The following LIMD1 variants were observed in gnomAD, a reference collection of about 807,000 sequenced individuals.
LIMD1 encodes LIM domain-containing protein 1.
In LIMD1, 23 loss-of-function variants were observed where a neutral mutation model predicts 58.4. The ratio of observed to expected loss-of-function variants is 0.39; its 90% CI spans 0.28 to 0.56. The LOEUF is 0.56. Ranked by LOEUF, LIMD1 falls within the 20% of genes least tolerant of loss-of-function variation. The pLI is 0.57. For synonymous variants in LIMD1, 334 were observed against 345.5 expected (o/e 0.97, Z 0.37); for missense variants, 838 against 855.5 (o/e 0.98, Z 0.25).
chr3:45,605,931 C>G (rs1392229292), intron 1 of LIMD1, among the ~76,000 whole-genome samples: 1 of 152,186 alleles, frequency 6.6e-6, no homozygotes, highest in Non-Finnish European at 1.5e-5. Flanking sequence ...CTGGGCCAGT[C>G]TCCCTTCTTT....
chr3:45,606,495 G>A (rs1171052115), intron 1 of LIMD1, among the ~76,000 whole-genome samples: 2 of 152,228 alleles, frequency 1.3e-5, no homozygotes, highest in African/African-American at 4.8e-5. Context: ...ACGAGAGGCT[G>A]TCTCCAGCTT....
Position 45,595,174 on chromosome 3 carries a change from G to C in LIMD1, c.295G>C (p.Val99Leu). 1 of 1,604,682 alleles carries C rather than the reference G, an allele frequency of 6.2e-7. No homozygotes were observed. The highest frequency in any genetic ancestry group is 8.5e-7 in the Non-Finnish European group (1 of 1,175,640). ...RWEVVGSKLTVDGAAKPPLAA... is the reference protein window; with the variant it reads ...RWEVVGSKLTLDGAAKPPLAA... Reference sequence around the variant, plus strand: ...GGAAGTTGTGGGCAGCAAGCTGACTGTGGATGGTGCTGCCAAGCCTCCTCT... The same window carrying C: ...GGAAGTTGTGGGCAGCAAGCTGACTCTGGATGGTGCTGCCAAGCCTCCTCT... Residue 99 changes from valine (V) to leucine (L), a missense_variant, in exon 1 of 8, where the codon GTG becomes CTG. Transcript: ENST00000273317.
At chr3:45,636,097 T>C in intron 1 of LIMD1, 53 bp from the exon 2 acceptor site, 2 of 1,606,296 alleles carry the variant, frequency 1.2e-6, no homozygotes, top group Non-Finnish European at 1.7e-6. Context: ...TTTTTATGAC[T>C]CAGTTTACAC....
At chr3:45,621,271 C>A (rs903028488) in intron 1 of LIMD1, among the ~76,000 whole-genome samples, 2 of 152,018 alleles carry the variant, frequency 1.3e-5, no homozygotes, top group African/African-American at 4.8e-5. Flanking sequence ...TGCTCTGTTG[C>A]CAGACTGGAC....
chr3:45,634,316 TG>T (rs34530351), intron 1 of LIMD1, among the ~76,000 whole-genome samples: 1 of 152,130 alleles, frequency 6.6e-6, no homozygotes, highest in Non-Finnish European at 1.5e-5. Flanking sequence ...TTGACTGTAA[TG>T]GGGGAGTTCT....
chr3:45,684,355 C>T lies in LIMD1; in HGVS notation c.*7296C>T, dbSNP rs1697782975. On this transcript the variant is annotated 3_prime_UTR_variant, in exon 8 of 8. Transcript: ENST00000273317. ...TGACGGAGTGAAAGTGAGGGGACAC[C>T]CAATTTGAAAACTCGGCAGGAAGCC... 6.6e-6 allele frequency: 1 copy of T among 152,306 alleles called. No homozygotes were observed. Among genetic ancestry groups the T allele is most frequent in the South Asian group, 2.1e-4 (1 of 4,828 alleles). The allele number at this position is 152,306 out of a possible 1,614,324, so 9.4% of individuals were successfully genotyped here.
chr3:45,620,455 G>T (rs1701618999), intron 1 of LIMD1, among the ~76,000 whole-genome samples: 1 of 152,210 alleles, frequency 6.6e-6, no homozygotes, highest in Non-Finnish European at 1.5e-5. Flanking sequence ...GAAGAGGTCA[G>T]CATTTGGAAA....
rs1026246930 is a variant in LIMD1 at position 45,679,343 on chromosome 3, G to A, written c.*2284G>A. 6.6e-6 allele frequency: 1 copy of A among 152,128 alleles called. No homozygotes were observed. Among genetic ancestry groups the A allele is most frequent in the Non-Finnish European group, 1.5e-5 (1 of 68,024 alleles). 9.4% of individuals were successfully genotyped at this position (152,128 alleles called of 1,614,324 possible). A position where few individuals can be genotyped will look rare whatever the true frequency, so the allele number is the denominator to read the frequency against. ...GGTTGTCAGTTTCCCTGGAGAAGGC[G>A]CCAGATAGGAATCTCCAATCAGTTG... On this transcript the variant is annotated 3_prime_UTR_variant, in exon 8 of 8. Transcript: ENST00000273317.
chr3:45,598,538 CT>C (rs1181601144), intron 1 of LIMD1, among the ~76,000 whole-genome samples: 1 of 152,206 alleles, frequency 6.6e-6, no homozygotes, highest in East Asian at 1.9e-4. Context: ...AGGCCATGCT[CT>C]ATTCCAGGTC....
At chr3:45,643,980 T>C (rs1381181995) in intron 2 of LIMD1, among the ~76,000 whole-genome samples, 1 of 152,198 alleles carries the variant, frequency 6.6e-6, no homozygotes. Context: ...ATACCATTGC[T>C]CATTTCACCT....
At chr3:45,663,134 C>A (rs1001301705) in intron 2 of LIMD1, among the ~76,000 whole-genome samples, 7 of 152,182 alleles carry the variant, frequency 4.6e-5, no homozygotes, top group Non-Finnish European at 7.3e-5. Context: ...TAGATCTAGC[C>A]CTTTCATTTT....
intron 2 of LIMD1, among the ~76,000 whole-genome samples, chr3:45,663,805 C>G (rs895563566): frequency 2.0e-5 from 3 of 151,524 alleles, no homozygotes; most frequent in Non-Finnish European, 4.4e-5. Flanking sequence ...ATCTCCACCT[C>G]CTGGGTTCAA....
chr3:45,604,622 A>G (rs919683239), intron 1 of LIMD1, among the ~76,000 whole-genome samples: 1 of 152,084 alleles, frequency 6.6e-6, no homozygotes, highest in Non-Finnish European at 1.5e-5. Context: ...CTTCCCCGTC[A>G]TCCCAGCCTT....
intron 2 of LIMD1, among the ~76,000 whole-genome samples, chr3:45,654,218 C>G (rs935171292): frequency 6.6e-6 from 1 of 152,166 alleles, no homozygotes; most frequent in African/African-American, 2.4e-5. Context: ...CTGATTTTTA[C>G]TTTCTTTTCT....
rs1482643397 is a variant in LIMD1 at position 45,672,538 on chromosome 3, A to T, written c.1642-152A>T. 7.5e-6 allele frequency: 6 copies of T among 795,468 alleles called. No individual in the cohort carries two copies. The Admixed American group carries it at 9.5e-5, about 13-fold the overall frequency. The allele number at this position is 795,468 out of a possible 1,614,324, so 49.3% of individuals were successfully genotyped here. A position where few individuals can be genotyped will look rare whatever the true frequency, so the allele number is the denominator to read the frequency against. The stretch of plus-strand genomic sequence containing the variant: ...TAAACAGATTTGCCTTTCCCACCCC[A>T]TCACCTCTTGCTCTTCTCCTAGGTG... On this transcript the variant is annotated intron_variant, in intron 4 of 7. Coordinates refer to ENST00000273317, the MANE Select transcript of LIMD1 (RefSeq NM_014240.3).
intron 2 of LIMD1, among the ~76,000 whole-genome samples, chr3:45,644,448 C>T (rs892336741): frequency 1.3e-5 from 2 of 152,246 alleles, no homozygotes; most frequent in South Asian, 4.1e-4. Context: ...ACAGTCACTG[C>T]GATATTTATA....
chr3:45,648,528 A>G (rs915279384), intron 2 of LIMD1, among the ~76,000 whole-genome samples: 20 of 152,210 alleles, frequency 1.3e-4, no homozygotes, highest in African/African-American at 4.6e-4. Flanking sequence ...TATTATAAAT[A>G]ATGTTGCTAT....
chr3:45,629,371 C>T (rs1365453962), intron 1 of LIMD1, among the ~76,000 whole-genome samples: 2 of 148,884 alleles, frequency 1.3e-5, no homozygotes, highest in South Asian at 4.2e-4. Context: ...TGAGATCACG[C>T]CACTGCACTC....
Position 45,596,092 on chromosome 3 carries a change from C to A in LIMD1, c.1213C>A (p.Pro405Thr). Residue 405 changes from proline (P) to threonine (T), a missense_variant, in exon 1 of 8, where the codon CCC (proline) becomes ACC (threonine). Coordinates refer to ENST00000273317, the MANE Select transcript of LIMD1 (RefSeq NM_014240.3). ...GCCTGAGTTATCTTGTAAAGAGGGT[C>A]CCCTGGGCTGGTCTTCTGATGGTAG... ...TLPELSCKEG[P>T]LGWSSDGSLG... The A allele has an allele frequency of 1.2e-6, 2 of 1,614,160 alleles. No individual in the cohort carries two copies. The highest frequency in any genetic ancestry group is 1.7e-6 in the Non-Finnish European group (2 of 1,180,004).
Sources: gnomAD v4.1 joint callset for allele counts (sites outside exome capture counted in the v4.1 genomes callset) on GRCh38, gnomAD v4.1.1 for gene constraint, MANE v1.5 for transcripts, NCBI Gene and HGNC (gene_info 2026-07-23, HGNC 2026-07-21) for gene names.